ZNF385B: variants seen among roughly 807,000 people sequenced by gnomAD.
ZNF385B encodes zinc finger protein 385B, also known as zinc finger protein 533.
In ZNF385B, 23 loss-of-function variants were observed where a neutral mutation model predicts 39.2. That is an observed-to-expected ratio of 0.59 (90% CI 0.42 to 0.83). ZNF385B has a LOEUF of 0.83. Among genes scored for constraint, ZNF385B ranks in the 40% least tolerant of loss-of-function variants. ZNF385B has a pLI of 0.00. For synonymous variants in ZNF385B, 205 were observed against 222.6 expected, an observed-to-expected ratio of 0.92 and a Z score of 0.70; for missense variants, 552 against 598.9, an observed-to-expected ratio of 0.92 and a Z score of 0.82.
At chr2:179,458,987 G>T (rs1199740147) in intron 6 of ZNF385B, among the ~76,000 whole-genome samples, 1 of 152,168 alleles carries the variant, frequency 6.6e-6, no homozygotes, top group African/African-American at 2.4e-5. Context: ...TCCCAACCAA[G>T]AACTCAGAAG....
At chr2:179,826,916 T>C (rs1707712171) in intron 1 of ZNF385B, among the ~76,000 whole-genome samples, 2 of 152,200 alleles carry the variant, frequency 1.3e-5, no homozygotes, top group South Asian at 4.1e-4. Context: ...TTTTGTCCAT[T>C]CCACACTTAA....
intron 3 of ZNF385B, among the ~76,000 whole-genome samples, chr2:179,757,706 TC>T (rs974537439): frequency 2.0e-5 from 3 of 152,164 alleles, no homozygotes; most frequent in Admixed American, 6.5e-5. Flanking sequence ...CAGTTTGATC[TC>T]AGACTGCTGT....
chr2:179,525,143 T>G (rs1264181572), intron 4 of ZNF385B, among the ~76,000 whole-genome samples: 2 of 152,164 alleles, frequency 1.3e-5, no homozygotes, highest in African/African-American at 4.8e-5. Flanking sequence ...CATTGTTCCC[T>G]GCTAAAGAAA....
intron 3 of ZNF385B, among the ~76,000 whole-genome samples, chr2:179,700,946 G>C (rs959400178): frequency 2.0e-5 from 3 of 152,194 alleles, no homozygotes; most frequent in Non-Finnish European, 4.4e-5. Flanking sequence ...CGGGAAGGCG[G>C]AGCTTGCAGT....
chr2:179,486,794 T>C (rs542460413), intron 5 of ZNF385B, among the ~76,000 whole-genome samples: 1 of 152,282 alleles, frequency 6.6e-6, no homozygotes, highest in Admixed American at 6.5e-5. Context: ...CACATGCCTG[T>C]AGTCCCAACT....
At chr2:179,613,807 T>C (rs967025910) in intron 3 of ZNF385B, among the ~76,000 whole-genome samples, 13 of 152,152 alleles carry the variant, frequency 8.5e-5, no homozygotes, top group African/African-American at 2.9e-4. Flanking sequence ...GCATTCTTGG[T>C]GACCTAGACT....
intron 3 of ZNF385B, among the ~76,000 whole-genome samples, chr2:179,580,376 T>C (rs1479621222): frequency 1.3e-5 from 2 of 152,166 alleles, no homozygotes; most frequent in Non-Finnish European, 2.9e-5. Flanking sequence ...CAGAATGGCA[T>C]AGGGAAAATA....
intron 5 of ZNF385B, among the ~76,000 whole-genome samples, chr2:179,498,970 G>GA (rs2056508170): frequency 6.6e-6 from 1 of 151,650 alleles, no homozygotes; most frequent in African/African-American, 2.4e-5. Flanking sequence ...AGTAAAATCA[G>GA]AAATGAAAAA....
chr2:179,552,005 T>C lies in ZNF385B; in HGVS notation c.299-7036A>G, dbSNP rs1329834984. ...ATGGTAAAATACAAGTTGATTCATC[T>C]ATAGCTATGAAACCAATAATATGTA... On this transcript the variant is annotated intron_variant, in intron 3 of 9. Coordinates refer to ENST00000410066, the MANE Select transcript of ZNF385B (RefSeq NM_152520.6). Among the ~76,000 whole-genome samples, 4 of 149,954 alleles carry C rather than the reference T, an allele frequency of 2.7e-5. 1 individual carries two copies. Among genetic ancestry groups the C allele is most frequent in the African/African-American group, 5.0e-5 (2 of 40,014 alleles).
intron 3 of ZNF385B, among the ~76,000 whole-genome samples, chr2:179,643,797 T>C (rs1515279): frequency 0.34 from 51,854 of 151,938 alleles, 9,119 homozygotes; most frequent in East Asian, 0.56. Flanking sequence ...ACTGTGGTGG[T>C]AGTTTCATGA....
At chr2:179,624,828 C>T (rs550492574) in intron 3 of ZNF385B, among the ~76,000 whole-genome samples, 4 of 152,278 alleles carry the variant, frequency 2.6e-5, no homozygotes, top group African/African-American at 9.6e-5. Flanking sequence ...AATTTGCTTT[C>T]AACCAACAAT....
intron 1 of ZNF385B, among the ~76,000 whole-genome samples, chr2:179,798,143 T>C (rs1575510427): frequency 6.6e-6 from 1 of 152,102 alleles, no homozygotes; most frequent in African/African-American, 2.4e-5. Context: ...GATCTATTAC[T>C]GATATTATTT....
intron 3 of ZNF385B, among the ~76,000 whole-genome samples, chr2:179,668,287 C>T (rs184239839): frequency 1.6e-4 from 24 of 152,190 alleles, no homozygotes; most frequent in African/African-American, 5.5e-4. Flanking sequence ...ATATAGTTAC[C>T]TTAATTTTTC....
At chr2:179,448,798 A>G (rs545525857) in intron 6 of ZNF385B, among the ~76,000 whole-genome samples, 1 of 152,252 alleles carries the variant, frequency 6.6e-6, no homozygotes, top group African/African-American at 2.4e-5. Context: ...AGGACTTAAT[A>G]TATCACTAGT....
chr2:179,765,708 C>T (rs1703649545), intron 3 of ZNF385B, among the ~76,000 whole-genome samples: 2 of 152,140 alleles, frequency 1.3e-5, no homozygotes, highest in African/African-American at 2.4e-5. Flanking sequence ...TCTGCCCACC[C>T]TTGCTAGGGG....
intron 3 of ZNF385B, among the ~76,000 whole-genome samples, chr2:179,650,121 T>C (rs1693074614): frequency 6.6e-6 from 1 of 152,190 alleles, no homozygotes; most frequent in African/African-American, 2.4e-5. Context: ...AGTTCACAAA[T>C]GTGTGATTTC....
intron 1 of ZNF385B, among the ~76,000 whole-genome samples, chr2:179,786,558 G>T (rs1705015767): frequency 6.6e-6 from 1 of 152,032 alleles, no homozygotes; most frequent in African/African-American, 2.4e-5. Context: ...TAAGACTAGA[G>T]AATCTTAGGT....
intron 3 of ZNF385B, among the ~76,000 whole-genome samples, chr2:179,613,225 C>T (rs941467716): frequency 3.9e-5 from 6 of 152,152 alleles, no homozygotes; most frequent in African/African-American, 1.2e-4. Context: ...TGGTGTTCTA[C>T]CAACTGTGGC....
At chr2:179,588,394 T>A (rs184255356) in intron 3 of ZNF385B, among the ~76,000 whole-genome samples, 2 of 152,260 alleles carry the variant, frequency 1.3e-5, no homozygotes, top group African/African-American at 4.8e-5. Context: ...AAAATGCTAT[T>A]CTGCCTGGGC....
Sources: allele counts gnomAD v4.1 joint callset (sites outside exome capture counted in the v4.1 genomes callset), GRCh38; gene constraint gnomAD v4.1.1; transcripts MANE v1.5; gene names NCBI Gene and HGNC (gene_info 2026-07-23, HGNC 2026-07-21).